ZNF804B: variants seen among roughly 807,000 people sequenced by gnomAD.
ZNF804B encodes the protein zinc finger 804B.
ZNF804B carries 80 observed loss-of-function variants against 101.4 expected under a neutral mutation model. The ratio of observed to expected loss-of-function variants is 0.79; its 90% CI spans 0.66 to 0.95. The LOEUF (loss-of-function observed/expected upper bound fraction) is 0.95. Among genes scored for constraint, ZNF804B ranks in the 40% least tolerant of loss-of-function variants. The pLI is 0.00. For synonymous variants in ZNF804B, 622 were observed against 558.8 expected, an observed-to-expected ratio of 1.11 and a Z score of -1.59; for missense variants, 1,673 against 1,561.9, an observed-to-expected ratio of 1.07 and a Z score of -1.20.
At chr7:88,827,528 C>T (rs1283762483) in intron 1 of ZNF804B, among the ~76,000 whole-genome samples, 1 of 151,800 alleles carries the variant, frequency 6.6e-6, no homozygotes, top group Non-Finnish European at 1.5e-5. Context: ...TCATGGTGTT[C>T]CAGTCTGGGT....
At chr7:88,951,955 G>T (rs1793230027) in intron 1 of ZNF804B, among the ~76,000 whole-genome samples, 1 of 151,818 alleles carries the variant, frequency 6.6e-6, no homozygotes, top group Non-Finnish European at 1.5e-5. Flanking sequence ...GTATCCAGCT[G>T]GTAGTGGGTG....
At chr7:88,825,916 A>T (rs1180763673) in intron 1 of ZNF804B, among the ~76,000 whole-genome samples, 1 of 152,142 alleles carries the variant, frequency 6.6e-6, no homozygotes, top group African/African-American at 2.4e-5. Flanking sequence ...TGAAATATAG[A>T]ACAAATAGTT....
At chr7:89,005,636 G>A (rs1788361139) in intron 1 of ZNF804B, among the ~76,000 whole-genome samples, 1 of 152,084 alleles carries the variant, frequency 6.6e-6, no homozygotes, top group Admixed American at 6.6e-5. Flanking sequence ...ACAAATCCTA[G>A]ATCCACTTAT....
chr7:89,242,921 T>C (rs1789392002), intron 2 of ZNF804B, among the ~76,000 whole-genome samples: 1 of 151,828 alleles, frequency 6.6e-6, no homozygotes, highest in South Asian at 2.1e-4. Flanking sequence ...GGAGGAAAAC[T>C]AGTCTTCCAA....
At chr7:88,772,991 A>G (rs1321930454) in intron 1 of ZNF804B, among the ~76,000 whole-genome samples, 1 of 152,184 alleles carries the variant, frequency 6.6e-6, no homozygotes, top group Non-Finnish European at 1.5e-5. Flanking sequence ...TTTGATCTGA[A>G]TAACACTTAG....
intron 1 of ZNF804B, among the ~76,000 whole-genome samples, chr7:88,877,043 ATATATATTTTTTTTTT>A (rs1178668223): frequency 4.8e-5 from 2 of 41,812 alleles, no homozygotes; most frequent in Non-Finnish European, 8.5e-5. Context: ...ATATATATAT[ATATATATTTTTTTTTT>A]TTTTTTTTTT....
intron 2 of ZNF804B, among the ~76,000 whole-genome samples, chr7:89,255,749 C>A (rs562085125): frequency 6.6e-6 from 1 of 151,886 alleles, no homozygotes; most frequent in East Asian, 1.9e-4. Context: ...TACAAAAAAA[C>A]CAAAAACTTT....
At chr7:88,994,243 A>C (rs543494117) in intron 1 of ZNF804B, among the ~76,000 whole-genome samples, 1 of 152,116 alleles carries the variant, frequency 6.6e-6, no homozygotes, top group African/African-American at 2.4e-5. Flanking sequence ...CAGTTCTAGA[A>C]ATCATTGAGA....
intron 1 of ZNF804B, among the ~76,000 whole-genome samples, chr7:89,158,599 A>G (rs1488278429): frequency 1.3e-5 from 2 of 152,136 alleles, no homozygotes; most frequent in South Asian, 2.1e-4. Flanking sequence ...TAGAATACAA[A>G]TCTTCTTCAT....
intron 1 of ZNF804B, among the ~76,000 whole-genome samples, chr7:88,839,359 T>A (rs889783933): frequency 4.6e-5 from 7 of 151,998 alleles, no homozygotes; most frequent in Non-Finnish European, 1.0e-4. Context: ...AAATTCGTTA[T>A]GTTATCTGAC....
chr7:89,040,835 A>G (rs932336414), intron 1 of ZNF804B, among the ~76,000 whole-genome samples: 1 of 152,172 alleles, frequency 6.6e-6, no homozygotes, highest in African/African-American at 2.4e-5. Context: ...TGTGTGTGCC[A>G]GCCTGGTGTT....
intron 2 of ZNF804B, among the ~76,000 whole-genome samples, chr7:89,266,625 C>T (rs1011268024): frequency 6.6e-6 from 1 of 152,142 alleles, no homozygotes; most frequent in Non-Finnish European, 1.5e-5. Context: ...GTTATCCTAA[C>T]ATTGATCTTT....
chr7:88,897,838 T>A (rs905266694), intron 1 of ZNF804B, among the ~76,000 whole-genome samples: 5 of 151,970 alleles, frequency 3.3e-5, no homozygotes, highest in African/African-American at 7.2e-5. Context: ...CTGGGTGAAG[T>A]TAGTTAACAG....
chr7:88,815,100 T>C (rs1441126217), intron 1 of ZNF804B, among the ~76,000 whole-genome samples: 4 of 148,694 alleles, frequency 2.7e-5, no homozygotes, highest in African/African-American at 9.8e-5. Flanking sequence ...ATATGTATTA[T>C]GTATATTCTC....
At position 89,335,440 on chromosome 7, in the gene ZNF804B, C is replaced by G; in HGVS notation, c.2458C>G (p.Leu820Val). The stretch of plus-strand genomic sequence containing the variant: ...CAAAAATCAACAACAATTTTCAGGG[C>G]TAAAATCTACGAGAATCATCTATTG... ...LGKNQQQFSG[L>V]KSTRIIYCDS... Residue 820 changes from leucine to valine, a missense_variant, in exon 4 of 4, where the codon CTA becomes GTA. Coordinates refer to ENST00000333190, the MANE Select transcript of ZNF804B (RefSeq NM_181646.5). 6.2e-7 allele frequency: 1 copy of G among 1,613,856 alleles called. No individual in the cohort carries two copies. The highest frequency in any genetic ancestry group is 8.5e-7 in the Non-Finnish European group (1 of 1,179,932).
At chr7:88,868,689 CAG>C (rs1174433933) in intron 1 of ZNF804B, among the ~76,000 whole-genome samples, 6 of 152,206 alleles carry the variant, frequency 3.9e-5, no homozygotes, top group African/African-American at 1.4e-4. Flanking sequence ...CCATTAATCT[CAG>C]ATGCTTTACA....
intron 1 of ZNF804B, among the ~76,000 whole-genome samples, chr7:89,011,688 A>G (rs1788464258): frequency 6.6e-6 from 1 of 152,134 alleles, no homozygotes. Context: ...CATGTCTCTC[A>G]TGCAGGTCAC....
intron 1 of ZNF804B, among the ~76,000 whole-genome samples, chr7:89,176,206 G>A (rs1791315866): frequency 6.6e-6 from 1 of 151,846 alleles, no homozygotes. Context: ...GTATATGGGT[G>A]TATGGTCTGT....
intron 1 of ZNF804B, among the ~76,000 whole-genome samples, chr7:89,084,712 A>G: frequency 6.6e-6 from 1 of 151,988 alleles, no homozygotes; most frequent in Admixed American, 6.6e-5. Context: ...TTTAGATAAC[A>G]ATAGTAATAC....
Sources: gnomAD v4.1 joint callset for allele counts (sites outside exome capture counted in the v4.1 genomes callset) on GRCh38, gnomAD v4.1.1 for gene constraint, MANE v1.5 for transcripts, NCBI Gene and HGNC (gene_info 2026-07-23, HGNC 2026-07-21) for gene names.